Variants in DCAF6 observed in about 807,000 individuals in gnomAD.
DCAF6 encodes DDB1- and CUL4-associated factor 6.
A neutral mutation model predicts 125.1 loss-of-function variants in DCAF6; 54 were observed. That is an observed-to-expected ratio of 0.43 (90% CI 0.35 to 0.54). The LOEUF is 0.54. Ranked by LOEUF, DCAF6 falls within the 20% of genes least tolerant of loss-of-function variation. The pLI is 0.01. For missense variants in DCAF6, 934 were observed against 1,161.7 expected (o/e 0.80, Z 2.85); for synonymous variants, 371 against 390.4 (o/e 0.95, Z 0.58).
chr1:168,027,314 T>C (rs1371998248), intron 12 of DCAF6, among the ~76,000 whole-genome samples: 2 of 152,046 alleles, frequency 1.3e-5, no homozygotes, highest in Non-Finnish European at 2.9e-5. Context: ...ACTGAGCATG[T>C]TTATAGAGTA....
At chr1:168,035,785 G>A (rs567906569) in intron 12 of DCAF6, among the ~76,000 whole-genome samples, 23 of 152,158 alleles carry the variant, frequency 1.5e-4, no homozygotes, top group South Asian at 6.2e-4. Flanking sequence ...TCTGTAGGCC[G>A]GGCATGGTGG....
chr1:167,903,901 C>T, the DCAF6 span: 17 of 1,612,076 alleles, frequency 1.1e-5, no homozygotes, highest in African/African-American at 2.1e-4. Context: ...CACTATTGCA[C>T]TTATGTGGTA....
the DCAF6 span, chr1:167,902,110 A>G: frequency 6.6e-7 from 1 of 1,515,352 alleles, no homozygotes; most frequent in Non-Finnish European, 9.1e-7. Context: ...GTAGTAAAAA[A>G]ACATCATTCT....
intron 1 of DCAF6, among the ~76,000 whole-genome samples, chr1:167,942,970 G>T (rs925545599): frequency 6.6e-6 from 1 of 152,012 alleles, no homozygotes; most frequent in African/African-American, 2.4e-5. Context: ...GCAGTGGCTC[G>T]ATCTTGGCTC....
At chr1:167,899,638 A>G in the DCAF6 span, 3 of 1,613,358 alleles carry the variant, frequency 1.9e-6, no homozygotes, top group Admixed American at 5.0e-5. Flanking sequence ...CCTGGCAAGA[A>G]GGCAAGGAAT....
the DCAF6 span, among the ~76,000 whole-genome samples, chr1:167,899,808 C>A: frequency 1.3e-5 from 2 of 152,188 alleles, no homozygotes; most frequent in African/African-American, 4.8e-5. Context: ...TTCCAAAGCT[C>A]CCCTTCTTCC....
chr1:167,946,170 G>C (rs1673056945), intron 1 of DCAF6, among the ~76,000 whole-genome samples: 1 of 151,710 alleles, frequency 6.6e-6, no homozygotes, highest in African/African-American at 2.4e-5. Context: ...TTGGCCAGCT[G>C]GTCTTGAACT....
At chr1:167,949,804 G>T (rs564917674) in intron 1 of DCAF6, among the ~76,000 whole-genome samples, 4 of 152,228 alleles carry the variant, frequency 2.6e-5, no homozygotes, top group African/African-American at 9.6e-5. Flanking sequence ...TTAATTTGAG[G>T]AGGCTCAGTT....
chr1:168,059,719 C>T (rs542899471), intron 17 of DCAF6, among the ~76,000 whole-genome samples: 3 of 152,176 alleles, frequency 2.0e-5, no homozygotes, highest in Admixed American at 2.0e-4. Flanking sequence ...GATCATGGCT[C>T]ACTGCAGTTT....
the DCAF6 span, chr1:167,904,468 C>T: frequency 4.7e-6 from 1 of 211,384 alleles, no homozygotes; most frequent in Non-Finnish European, 9.4e-6. Flanking sequence ...CCTCCTCTAG[C>T]TATTATTTTA....
Position 168,002,563 on chromosome 1 carries a change from C to A in DCAF6, c.985C>A (p.Arg329=), listed in dbSNP as rs1417330222. The change falls in exon 8 of 22, where the codon CGA becomes AGA. Residue 329 remains arginine, a synonymous_variant. Transcript: ENST00000367840. The part of the protein sequence containing the change: ...TGPRARPESE[R]ERDGEQSPNV... ...ACCCAGAGCAAGGCCGGAGAGTGAA[C>A]GAGAACGAGATGGTAACTATACTTT... 1 of 1,612,374 alleles carries A rather than the reference C, an allele frequency of 6.2e-7. No individual in the cohort carries two copies. The highest frequency in any genetic ancestry group is 8.5e-7 in the Non-Finnish European group (1 of 1,178,828).
At chr1:168,055,271 T>C (rs1690499035) in intron 17 of DCAF6, among the ~76,000 whole-genome samples, 1 of 142,262 alleles carries the variant, frequency 7.0e-6, no homozygotes, top group African/African-American at 2.6e-5. Context: ...TGAGGATAGC[T>C]ATCCTATGTT....
chr1:167,931,892 T>G (rs918234502), upstream of DCAF6, among the ~76,000 whole-genome samples: 27 of 152,192 alleles, frequency 1.8e-4, no homozygotes, highest in African/African-American at 6.3e-4. Context: ...GTCTTTAAAA[T>G]TAAACAAGCT....
chr1:167,892,352 C>T, the DCAF6 span, among the ~76,000 whole-genome samples: 7 of 152,140 alleles, frequency 4.6e-5, no homozygotes, highest in South Asian at 2.1e-4. Context: ...AAGAGGACTA[C>T]GGTATCTTTA....
intron 20 of DCAF6, 135 bp downstream of exon 20, chr1:168,066,600 AAG>A (rs1241256073): frequency 3.5e-6 from 2 of 563,416 alleles, no homozygotes; most frequent in Non-Finnish European, 6.3e-6. Context: ...TTTTAAGAAA[AAG>A]AAAAATTAAG....
chr1:167,980,281 T>C (rs934827753), intron 4 of DCAF6, among the ~76,000 whole-genome samples: 3 of 152,232 alleles, frequency 2.0e-5, no homozygotes, highest in African/African-American at 4.8e-5. Context: ...GCAGTGAAGA[T>C]GAGTGTGCAA....
chr1:167,996,579 A>G (rs73026150), intron 7 of DCAF6, among the ~76,000 whole-genome samples: 2,053 of 152,338 alleles, frequency 0.013, 33 homozygotes, highest in Middle Eastern at 0.031. Context: ...CCTTAGAAAC[A>G]TAAGTTAAAT....
chr1:168,025,654 A>G (rs1686242319), intron 12 of DCAF6, among the ~76,000 whole-genome samples: 1 of 152,190 alleles, frequency 6.6e-6, no homozygotes, highest in Non-Finnish European at 1.5e-5. Flanking sequence ...GATAACTTCT[A>G]AAAGTTAATA....
At chr1:167,992,751 G>A (rs1456252275) in intron 6 of DCAF6, among the ~76,000 whole-genome samples, 1 of 152,138 alleles carries the variant, frequency 6.6e-6, no homozygotes, top group Non-Finnish European at 1.5e-5. Context: ...TCTTAACTCT[G>A]TACTATATAA....
Sources: gnomAD v4.1 joint callset for allele counts (sites outside exome capture counted in the v4.1 genomes callset) on GRCh38, gnomAD v4.1.1 for gene constraint, MANE v1.5 for transcripts, NCBI Gene and HGNC (gene_info 2026-07-23, HGNC 2026-07-21) for gene names.